The following FAT3 variants were observed in gnomAD, a reference collection of about 807,000 sequenced individuals.
FAT3 encodes the protein FAT atypical cadherin 3, also known as protocadherin Fat 3.
Under a neutral mutation model 310.2 loss-of-function variants are expected in FAT3, and 95 were observed. The ratio of observed to expected loss-of-function variants is 0.31; its 90% CI spans 0.26 to 0.36. The LOEUF is 0.36. Among genes scored for constraint, FAT3 ranks in the 10% least tolerant of loss-of-function variants. The probability of loss-of-function intolerance (pLI) is 1.00; values close to 1 mark genes in which losing one functional copy is unlikely to be tolerated. For synonymous variants in FAT3, 2,314 were observed against 2,192.9 expected, an observed-to-expected ratio of 1.06 and a Z score of -1.54; for missense variants, 5,408 against 5,715.6, an observed-to-expected ratio of 0.95 and a Z score of 1.74.
intron 4 of FAT3, among the ~76,000 whole-genome samples, chr11:92,749,336 A>G (rs1945763617): frequency 6.6e-6 from 1 of 152,096 alleles, no homozygotes; most frequent in African/African-American, 2.4e-5. Flanking sequence ...ACACACACAT[A>G]GATGACAATT....
rs1464339718 is a variant in FAT3, at chr11:92,799,861, A to AC, written c.6854dup (p.Ile2286TyrfsTer28). The stretch of plus-strand genomic sequence containing the variant: ...TTGCTAGTTAATGATGTAAATGACA[A>AC]CCCCCCTATTTTCGATCAGCCTACA... On this transcript the variant is annotated frameshift_variant, in exon 10 of 28. Transcript: ENST00000525166. LOFTEE classifies it high-confidence loss of function. The AC allele has an allele frequency of 6.2e-7, 1 of 1,612,968 alleles. No homozygotes were observed. Among genetic ancestry groups the AC allele is most frequent in the South Asian group, 1.1e-5 (1 of 90,890 alleles).
At chr11:92,660,241 G>A (rs1162755631) in intron 3 of FAT3, among the ~76,000 whole-genome samples, 1 of 149,852 alleles carries the variant, frequency 6.7e-6, no homozygotes, top group Non-Finnish European at 1.5e-5. Context: ...ATGCTGATAC[G>A]AAACACATGA....
intron 1 of FAT3, among the ~76,000 whole-genome samples, chr11:92,305,311 G>A (rs987910287): frequency 3.3e-5 from 5 of 151,984 alleles, no homozygotes; most frequent in African/African-American, 1.2e-4. Flanking sequence ...ATTCTAGAAG[G>A]TACACACCCT....
chr11:92,341,496 AT>A (rs1204366405), intron 1 of FAT3, among the ~76,000 whole-genome samples: 2 of 152,170 alleles, frequency 1.3e-5, no homozygotes, highest in Non-Finnish European at 2.9e-5. Context: ...CAAGATTTGC[AT>A]TTTGCCTTGT....
At chr11:92,512,900 A>C (rs1591385793) in intron 2 of FAT3, among the ~76,000 whole-genome samples, 1 of 96,888 alleles carries the variant, frequency 1.0e-5, no homozygotes, top group Admixed American at 1.1e-4. Flanking sequence ...AGGCGGGCGG[A>C]TCACGAGGTC....
chr11:92,887,136 C>A lies in FAT3; in HGVS notation c.13051+23C>A, dbSNP rs530252999. Reference sequence around the variant, plus strand: ...ATGGTAAGAAGTCATCAGATTTGTTCGGAGCGGGTGGGTTCTGCTTCCTGT... The same window carrying A: ...ATGGTAAGAAGTCATCAGATTTGTTAGGAGCGGGTGGGTTCTGCTTCCTGT... On this transcript the variant is annotated intron_variant, in intron 25 of 27. Coordinates refer to ENST00000525166, the MANE Select transcript of FAT3 (RefSeq NM_001367949.2). The A allele has an allele frequency of 1.9e-6, 3 of 1,582,748 alleles. No individual in the cohort carries two copies. The South Asian group carries it at 3.5e-5, about 18-fold the overall frequency.
chr11:92,558,842 A>G (rs150323693), intron 3 of FAT3, among the ~76,000 whole-genome samples: 4 of 152,198 alleles, frequency 2.6e-5, no homozygotes, highest in East Asian at 3.9e-4. Context: ...GCCCCATTCA[A>G]TGTGGGTCAA....
rs568834359 is a variant in FAT3, at chr11:92,563,079, A to G, written c.3607+38131A>G. 1.8e-3 allele frequency among the ~76,000 whole-genome samples: 280 copies of G among 152,354 alleles called. 1 individual carries two copies. The highest frequency in any genetic ancestry group is 3.3e-3 in the Non-Finnish European group (222 of 68,030). ...CAGCTTTGAATTTGGGGCCAAATTT[A>G]GAAAGAGCTGGAGAATGTGGCTTCT... On this transcript the variant is annotated intron_variant, in intron 3 of 27. Transcript: ENST00000525166.
chr11:92,401,351 C>T (rs376138667), intron 2 of FAT3, among the ~76,000 whole-genome samples: 2 of 152,110 alleles, frequency 1.3e-5, no homozygotes, highest in African/African-American at 4.8e-5. Flanking sequence ...GAGTAGCCTT[C>T]GTGAAACCCT....
At chr11:92,859,511 T>C (rs986404297) in intron 21 of FAT3, among the ~76,000 whole-genome samples, 189 bp downstream of exon 21, 4 of 152,174 alleles carry the variant, frequency 2.6e-5, no homozygotes, top group African/African-American at 9.6e-5. Context: ...AACATTCAGC[T>C]TCAAAATTGG....
intron 1 of FAT3, among the ~76,000 whole-genome samples, chr11:92,272,675 C>CA (rs146991987): frequency 1.2e-3 from 190 of 152,026 alleles, no homozygotes; most frequent in Non-Finnish European, 2.3e-3. Context: ...TTAAGGAGAA[C>CA]ATGGGGTGTG....
rs187790922 is a variant in FAT3, at chr11:92,310,931, C to T, written c.-17-41165C>T. On this transcript the variant is annotated intron_variant, in intron 1 of 27. Transcript: ENST00000525166. The stretch of plus-strand genomic sequence containing the variant: ...GGGTACAACCAGATTTTTTTCCATT[C>T]TTTTTACTTTTATTTTTAAATTTTT... 5.1e-3 allele frequency among the ~76,000 whole-genome samples: 775 copies of T among 151,498 alleles called. 10 individuals are homozygous for T. The highest frequency in any genetic ancestry group is 0.018 in the African/African-American group (730 of 41,324).
At chr11:92,447,793 G>C (rs541180908) in intron 2 of FAT3, among the ~76,000 whole-genome samples, 75 of 152,234 alleles carry the variant, frequency 4.9e-4, no homozygotes, top group African/African-American at 1.7e-3. Flanking sequence ...AACCAGAATG[G>C]CTTCTTTTAT....
intron 1 of FAT3, among the ~76,000 whole-genome samples, chr11:92,246,965 T>G (rs1864940332): frequency 6.6e-6 from 1 of 152,094 alleles, no homozygotes; most frequent in African/African-American, 2.4e-5. Context: ...AAACTAAGAC[T>G]GATACATTTG....
intron 3 of FAT3, among the ~76,000 whole-genome samples, chr11:92,665,328 G>A (rs1172731141): frequency 6.6e-6 from 1 of 152,052 alleles, no homozygotes; most frequent in Non-Finnish European, 1.5e-5. Context: ...GTCAAGTACA[G>A]AAAAATGACT....
chr11:92,623,369 C>T (rs1434825323), intron 3 of FAT3, among the ~76,000 whole-genome samples: 2 of 152,118 alleles, frequency 1.3e-5, no homozygotes, highest in Admixed American at 6.5e-5. Context: ...TCTTAATGTT[C>T]AACACATAGC....
chr11:92,521,793 T>C (rs1345575118), intron 2 of FAT3, among the ~76,000 whole-genome samples: 1 of 152,172 alleles, frequency 6.6e-6, no homozygotes, highest in Non-Finnish European at 1.5e-5. Flanking sequence ...GAATTTGAAT[T>C]ACAGATCTCA....
At chr11:92,822,310 G>A (rs1273881387) in intron 13 of FAT3, among the ~76,000 whole-genome samples, 1 of 150,988 alleles carries the variant, frequency 6.6e-6, no homozygotes, top group Non-Finnish European at 1.5e-5. Flanking sequence ...AGACGCCACA[G>A]GTTGGTTAAA....
chr11:92,291,311 C>A (rs1257093905), intron 1 of FAT3, among the ~76,000 whole-genome samples: 2 of 152,108 alleles, frequency 1.3e-5, no homozygotes, highest in Non-Finnish European at 2.9e-5. Flanking sequence ...AGGGATCTTT[C>A]TCTCCTTCTT....
Sources: allele counts gnomAD v4.1 joint callset (sites outside exome capture counted in the v4.1 genomes callset), GRCh38; gene constraint gnomAD v4.1.1; transcripts MANE v1.5; gene names NCBI Gene and HGNC (gene_info 2026-07-23, HGNC 2026-07-21).